TENM2: variants seen among roughly 807,000 people sequenced by gnomAD.
TENM2 encodes the protein teneurin transmembrane protein 2.
Under a neutral mutation model 245.2 loss-of-function variants are expected in TENM2, and 52 were observed. The ratio of observed to expected loss-of-function variants is 0.21; its 90% CI spans 0.17 to 0.27. TENM2 has a LOEUF of 0.27. Among genes scored for constraint, TENM2 ranks in the 10% least tolerant of loss-of-function variants. The pLI, the probability that TENM2 is intolerant of heterozygous loss-of-function variation, is 1.00. For synonymous variants in TENM2, 1,363 were observed against 1,438.9 expected (o/e 0.95, Z 1.19); for missense variants, 3,046 against 3,666.8 (o/e 0.83, Z 4.37).
At chr5:167,464,356 G>C (rs374960305) in intron 2 of TENM2, among the ~76,000 whole-genome samples, 47 of 152,218 alleles carry the variant, frequency 3.1e-4, no homozygotes, top group Middle Eastern at 3.4e-3. Flanking sequence ...CTACAACCTC[G>C]TATTACCATA....
chr5:168,221,108 T>C (rs1246356472), intron 23 of TENM2, among the ~76,000 whole-genome samples: 3 of 145,474 alleles, frequency 2.1e-5, no homozygotes, highest in African/African-American at 7.6e-5. Flanking sequence ...CAACACTCTG[T>C]CTCAAAAAAA....
At chr5:167,073,819 G>A in the TENM2 span, among the ~76,000 whole-genome samples, 5 of 152,244 alleles carry the variant, frequency 3.3e-5, no homozygotes, top group African/African-American at 1.2e-4. Flanking sequence ...AATCTATACA[G>A]GCCATAAGAC....
chr5:168,162,472 T>C (rs930661373), intron 12 of TENM2, 139 bp from the exon 15 acceptor site: 27 of 811,400 alleles, frequency 3.3e-5, no homozygotes, highest in Non-Finnish European at 5.1e-5. Context: ...CCCCTGACTC[T>C]GTGGAAGGCA....
At chr5:167,294,186 A>G (rs1754817628) in intron 1 of TENM2, 1 of 152,210 alleles carries the variant, frequency 6.6e-6, no homozygotes, top group African/African-American at 2.4e-5. Context: ...GTTACCATCA[A>G]TCCCCAGGGC....
At chr5:167,464,464 A>G (rs1766519144) in intron 2 of TENM2, among the ~76,000 whole-genome samples, 1 of 152,208 alleles carries the variant, frequency 6.6e-6, no homozygotes, top group African/African-American at 2.4e-5. Flanking sequence ...CTGGATACAC[A>G]GTTTTTATAA....
chr5:167,149,720 A>C, the TENM2 span, among the ~76,000 whole-genome samples: 1 of 152,098 alleles, frequency 6.6e-6, no homozygotes, highest in African/African-American at 2.4e-5. Context: ...AACTCAATCA[A>C]TTCCTCTTTC....
chr5:167,643,930 T>C (rs1433133267), intron 2 of TENM2, among the ~76,000 whole-genome samples: 1 of 152,246 alleles, frequency 6.6e-6, no homozygotes, highest in Non-Finnish European at 1.5e-5. Context: ...TCATTACTTT[T>C]AATATTTGGA....
intron 2 of TENM2, among the ~76,000 whole-genome samples, chr5:167,648,893 C>T (rs552671811): frequency 1.3e-5 from 2 of 152,292 alleles, no homozygotes; most frequent in Non-Finnish European, 2.9e-5. Context: ...GCATCTCAGG[C>T]AAATGAGAAG....
the TENM2 span, among the ~76,000 whole-genome samples, chr5:167,099,619 C>T: frequency 2.0e-5 from 3 of 152,046 alleles, no homozygotes; most frequent in East Asian, 1.9e-4. Context: ...TGCTTGAACC[C>T]GGGAGGTGGA....
At chr5:167,532,928 T>C (rs1771614159) in intron 2 of TENM2, among the ~76,000 whole-genome samples, 1 of 151,796 alleles carries the variant, frequency 6.6e-6, no homozygotes, top group Non-Finnish European at 1.5e-5. Flanking sequence ...TTTCACAAAA[T>C]ATTTATCCAG....
the TENM2 span, among the ~76,000 whole-genome samples, chr5:167,133,326 G>T: frequency 5.9e-5 from 9 of 152,288 alleles, no homozygotes; most frequent in African/African-American, 2.2e-4. Context: ...CTCTCTGAGT[G>T]GGGTATGTCT....
At chr5:167,822,040 T>C (rs145941485) in intron 2 of TENM2, among the ~76,000 whole-genome samples, 1 of 152,260 alleles carries the variant, frequency 6.6e-6, no homozygotes, top group Non-Finnish European at 1.5e-5. Flanking sequence ...TGTTTTGTTT[T>C]GTTTTGTTTT....
chr5:167,147,388 T>A, the TENM2 span, among the ~76,000 whole-genome samples: 1 of 152,166 alleles, frequency 6.6e-6, no homozygotes, highest in Non-Finnish European at 1.5e-5. Flanking sequence ...TGATGATGAT[T>A]TTTTGTGGGT....
At chr5:167,139,843 G>A in the TENM2 span, among the ~76,000 whole-genome samples, 85 of 152,260 alleles carry the variant, frequency 5.6e-4, 2 homozygotes, top group Admixed American at 4.1e-3. Context: ...AAAACCAAGC[G>A]TTGTAATGAC....
intron 25 of TENM2, among the ~76,000 whole-genome samples, chr5:168,236,585 T>A (rs1010200186): frequency 6.6e-6 from 1 of 152,108 alleles, no homozygotes. Context: ...ACATCCTTCC[T>A]CACTGCCACA....
At chr5:167,533,316 C>A (rs1326208712) in intron 2 of TENM2, among the ~76,000 whole-genome samples, 1 of 152,222 alleles carries the variant, frequency 6.6e-6, no homozygotes, top group East Asian at 1.9e-4. Context: ...CTTGGAGGTA[C>A]CATGTTCATA....
chr5:168,252,689 CA>C (rs879943934), intron 27 of TENM2, among the ~76,000 whole-genome samples: 4 of 150,458 alleles, frequency 2.7e-5, no homozygotes, highest in East Asian at 2.0e-4. Flanking sequence ...ACTAAAAATA[CA>C]AAAAAAATTA....
chr5:168,076,600 AG>A (rs1179858185), intron 7 of TENM2, among the ~76,000 whole-genome samples: 2 of 152,148 alleles, frequency 1.3e-5, no homozygotes, highest in African/African-American at 4.8e-5. Context: ...CAGCTCCAGG[AG>A]GACAGGAACC....
intron 2 of TENM2, among the ~76,000 whole-genome samples, chr5:167,379,769 G>A (rs1760982513): frequency 6.6e-6 from 1 of 152,096 alleles, no homozygotes; most frequent in Non-Finnish European, 1.5e-5. Flanking sequence ...GGTAAGAATA[G>A]TGAAAGAGGT....
Sources: gnomAD v4.1 joint callset for allele counts (sites outside exome capture counted in the v4.1 genomes callset) on GRCh38, gnomAD v4.1.1 for gene constraint, MANE v1.5 for transcripts, NCBI Gene and HGNC (gene_info 2026-07-23, HGNC 2026-07-21) for gene names.